The following NLGN4X variants were observed in gnomAD, a reference collection of about 807,000 sequenced individuals.
NLGN4X encodes neuroligin 4 X-linked, also known as neuroligin-4, X-linked.
In NLGN4X, 3 loss-of-function variants were observed where a neutral mutation model predicts 40.3. The observed-to-expected ratio is 0.07, with a 90% CI of 0.03 to 0.19. The LOEUF (loss-of-function observed/expected upper bound fraction) is 0.19. NLGN4X is among the 10% of genes least tolerant of loss of function. NLGN4X has a pLI of 1.00. For synonymous variants in NLGN4X, 270 were observed against 306.8 expected (o/e 0.88, Z 1.25); for missense variants, 382 against 708.3 (o/e 0.54, Z 5.23).
At chrX:6,032,421 A>G (rs931573652) in intron 2 of NLGN4X, among the ~76,000 whole-genome samples, 6 of 107,213 alleles carry the variant, frequency 5.6e-5, no homozygotes, top group Non-Finnish European at 9.6e-5. Context: ...AAAAAAAAAA[A>G]GGGCTTCTCT....
At chrX:6,110,736 A>C (rs959799754) in intron 2 of NLGN4X, among the ~76,000 whole-genome samples, 1 of 111,828 alleles carries the variant, frequency 8.9e-6, no homozygotes, top group African/African-American at 3.3e-5. Context: ...CACCCAAGAG[A>C]AACAGCTTCT....
intron 3 of NLGN4X, among the ~76,000 whole-genome samples, chrX:5,967,870 G>A (rs1014594532): frequency 9.0e-6 from 1 of 111,162 alleles, no homozygotes; most frequent in African/African-American, 3.3e-5. Context: ...TGCAGGTAGT[G>A]TGCAGTCCCT....
intron 3 of NLGN4X, among the ~76,000 whole-genome samples, chrX:6,016,865 CA>C (rs1432459721): frequency 5.4e-5 from 6 of 111,755 alleles, no homozygotes; most frequent in Middle Eastern, 4.6e-3. Flanking sequence ...GTCAGACACA[CA>C]AAAAAGCATG....
intron 2 of NLGN4X, among the ~76,000 whole-genome samples, chrX:6,073,609 G>T (rs192561193): frequency 1.8e-5 from 2 of 111,150 alleles, no homozygotes; most frequent in Admixed American, 1.9e-4. Flanking sequence ...CTATCCTTAA[G>T]GTGTACCTGA....
intron 2 of NLGN4X, among the ~76,000 whole-genome samples, chrX:6,082,922 T>TA (rs1333287975): frequency 3.7e-4 from 39 of 104,813 alleles, no homozygotes; most frequent in African/African-American, 1.3e-3. Context: ...TCCCAGGTGG[T>TA]AAAAAAAGAG....
chrX:6,088,264 G>A (rs957520534), intron 2 of NLGN4X, among the ~76,000 whole-genome samples: 10 of 112,412 alleles, frequency 8.9e-5, no homozygotes, highest in African/African-American at 2.3e-4. Flanking sequence ...GAGAAAATGC[G>A]AAGCTCTTCA....
rs745406353 is a variant in NLGN4X at position 5,903,471 on chromosome X, C to A, written c.1207G>T (p.Val403Leu). 8.3e-7 allele frequency: 1 copy of A among 1,205,699 alleles called. No homozygotes were observed. The stretch of plus-strand genomic sequence containing the variant: ...TCAGGGTAGCCGTAAAGGTTGTCCA[C>A]GAAGTTGGACACGGAGAAGTCAAAG... ...NDFDFSVSNF[V>L]DNLYGYPEGK... Residue 403 changes from valine to leucine, a missense_variant, in exon 5 of 6, where the codon GTG becomes TTG. By Grantham distance (32) the Val-to-Leu change is conservative (BLOSUM62 1). This residue lies in a region of NLGN4X where 149 missense variants were observed against 375.8 expected (regional missense o/e 0.40). Transcript: ENST00000381095.
intron 2 of NLGN4X, among the ~76,000 whole-genome samples, chrX:6,088,473 T>C (rs2038554274): frequency 8.9e-6 from 1 of 111,986 alleles, no homozygotes; most frequent in Non-Finnish European, 1.9e-5. Flanking sequence ...TTTGTAACAC[T>C]ACCTGAGTTG....
At chrX:6,034,076 T>C (rs1027811654) in intron 2 of NLGN4X, among the ~76,000 whole-genome samples, 1 of 112,476 alleles carries the variant, frequency 8.9e-6, no homozygotes, top group Non-Finnish European at 1.9e-5. Flanking sequence ...TAATGCTGTT[T>C]CCATATATCA....
chrX:6,009,337 C>A (rs1285438862), intron 3 of NLGN4X, among the ~76,000 whole-genome samples: 1 of 111,724 alleles, frequency 9.0e-6, no homozygotes, highest in East Asian at 2.8e-4. Context: ...TGAGGAACAG[C>A]CAAAGAGTTT....
chrX:6,205,709 C>T (rs1602418583), intron 1 of NLGN4X, among the ~76,000 whole-genome samples: 1 of 112,099 alleles, frequency 8.9e-6, no homozygotes, highest in African/African-American at 3.2e-5. Context: ...ATGAAGTGTA[C>T]TCCCCACCAC....
intron 1 of NLGN4X, among the ~76,000 whole-genome samples, chrX:6,208,047 A>G (rs1376904889): frequency 8.9e-6 from 1 of 112,134 alleles, no homozygotes; most frequent in Non-Finnish European, 1.9e-5. Flanking sequence ...GTAACAGTTC[A>G]GAAAATATAA....
chrX:5,999,804 G>C (rs2035928030), intron 3 of NLGN4X, among the ~76,000 whole-genome samples: 1 of 112,092 alleles, frequency 8.9e-6, no homozygotes, highest in Non-Finnish European at 1.9e-5. Flanking sequence ...CCCTACTCCT[G>C]AATGTGGCTT....
intron 3 of NLGN4X, among the ~76,000 whole-genome samples, chrX:6,026,995 T>A (rs1425333065): frequency 9.0e-6 from 1 of 111,637 alleles, no homozygotes; most frequent in Non-Finnish European, 1.9e-5. Context: ...ATTTTGAAAC[T>A]CTATCTTATC....
In NLGN4X at chrX:6,097,066, T is replaced by C. The variant is rs1423457476; in HGVS notation, c.472+53929A>G. On this transcript the variant is annotated intron_variant, in intron 2 of 5. Coordinates refer to ENST00000381095, the MANE Select transcript of NLGN4X (RefSeq NM_181332.3). ...AGTCTTTCTTTGCATTTATTGCTAA[T>C]TGTATAATTAACAGCTCTCTTATTA... is the stretch of plus-strand genomic sequence containing the variant. 3.6e-5 allele frequency among the ~76,000 whole-genome samples: 4 copies of C among 110,806 alleles called. No individual in the cohort carries two copies. In the East Asian group the frequency reaches 1.1e-3, roughly 31 times the overall value.
rs778918960 is a variant in NLGN4X, at chrX:6,017,644, T to C, written c.625+11636A>G. Among the ~76,000 whole-genome samples the C allele has an allele frequency of 3.6e-5, 4 of 111,961 alleles. No homozygotes were observed. In the South Asian group the frequency reaches 1.5e-3, roughly 42 times the overall value. ...TTTATGATTTTTGATCTTAAGATGA[T>C]ACAAAAATGATATTCAGTCAGTAGA... On this transcript the variant is annotated intron_variant, in intron 3 of 5. Coordinates refer to ENST00000381095, the MANE Select transcript of NLGN4X (RefSeq NM_181332.3).
At chrX:5,909,468 T>C (rs1485194595) in intron 3 of NLGN4X, among the ~76,000 whole-genome samples, 2 of 111,427 alleles carry the variant, frequency 1.8e-5, no homozygotes, top group Non-Finnish European at 3.8e-5. Context: ...TTTGTGTATA[T>C]ATGTGGCTAA....
At chrX:5,942,927 G>T (rs774102737) in intron 3 of NLGN4X, among the ~76,000 whole-genome samples, 3 of 111,099 alleles carry the variant, frequency 2.7e-5, no homozygotes, top group Non-Finnish European at 5.7e-5. Flanking sequence ...CGTTCCCCTG[G>T]TTATTAAATC....
At position 6,027,676 on chromosome X, in the gene NLGN4X, G is replaced by A. The variant is rs534520925; in HGVS notation, c.625+1604C>T. ...GGAAAAAAAAAAACCCACTCAAAAT[G>A]AAATGAAGTCATCTGATTGAAAAGA... is the stretch of plus-strand genomic sequence containing the variant. On this transcript the variant is annotated intron_variant, in intron 3 of 5. Transcript: ENST00000381095. Among the ~76,000 whole-genome samples the A allele has an allele frequency of 8.2e-5, 9 of 109,461 alleles. No homozygotes were observed. The South Asian group carries it at 3.5e-3, about 43-fold the overall frequency.
Sources: allele counts gnomAD v4.1 joint callset (sites outside exome capture counted in the v4.1 genomes callset), GRCh38; gene constraint gnomAD v4.1.1; regional missense constraint gnomAD v4.1.1; transcripts MANE v1.5; gene names NCBI Gene and HGNC (gene_info 2026-07-23, HGNC 2026-07-21).